Variants in DCBLD2 observed in about 807,000 individuals in gnomAD.
DCBLD2 encodes the protein discoidin, CUB and LCCL domain-containing protein 2.
DCBLD2 carries 54 observed loss-of-function variants against 86.8 expected under a neutral mutation model. The observed-to-expected ratio is 0.62, with a 90% CI of 0.50 to 0.78. DCBLD2 has a LOEUF of 0.78. Among genes scored for constraint, DCBLD2 ranks in the 30% least tolerant of loss-of-function variants. DCBLD2 has a pLI of 0.00. For missense variants in DCBLD2, 908 were observed against 954.2 expected (o/e 0.95, Z 0.64); for synonymous variants, 354 against 341.3 (o/e 1.04, Z -0.41).
intron 3 of DCBLD2, among the ~76,000 whole-genome samples, chr3:98,843,662 C>CTATTGGTATAATTCTAAA (rs1392456560): frequency 6.6e-6 from 1 of 151,984 alleles, no homozygotes; most frequent in Non-Finnish European, 1.5e-5. Flanking sequence ...ATTTTTTATA[C>CTATTGGTATAATTCTAAA]TATTGGTGTT....
intron 2 of DCBLD2, among the ~76,000 whole-genome samples, chr3:98,868,238 T>C (rs540488104): frequency 1.3e-5 from 2 of 152,312 alleles, no homozygotes; most frequent in East Asian, 1.9e-4. Context: ...GGAATCAACC[T>C]ATTCAAAGAT....
Position 98,808,168 on chromosome 3 carries a change from G to A in DCBLD2, c.1583C>T (p.Ala528Val), listed in dbSNP as rs369024442. Residue 528 changes from alanine (A) to valine (V), a missense_variant, in exon 13 of 16, where the codon GCG (alanine) becomes GTG (valine). Physicochemically the swap from Ala to Val is moderately conservative, Grantham distance 64. Transcript: ENST00000326840. ...TVTPNVTKDV[A>V]LAAVLVPVLV... The stretch of plus-strand genomic sequence containing the variant: ...CACAGGGACAAGAACTGCAGCCAGC[G>A]CTACATCTGAAGTTACAAAGACAAA... 28 of 1,596,544 alleles carry A rather than the reference G, an allele frequency of 1.8e-5. No homozygotes were observed. The highest frequency in any genetic ancestry group is 6.8e-5 in the East Asian group (3 of 43,984).
intron 3 of DCBLD2, among the ~76,000 whole-genome samples, chr3:98,836,662 T>A (rs1463429250): frequency 2.5e-5 from 3 of 118,848 alleles, no homozygotes; most frequent in South Asian, 2.7e-4. Context: ...CACTTCCCAG[T>A]AGGGGCGGCC....
intron 2 of DCBLD2, among the ~76,000 whole-genome samples, chr3:98,867,377 A>C (rs1256511687): frequency 2.0e-5 from 3 of 152,088 alleles, no homozygotes; most frequent in Admixed American, 1.3e-4. Context: ...CTTTTATTTC[A>C]TTGAGCAGTG....
At chr3:98,884,588 C>T (rs949517792) in intron 1 of DCBLD2, among the ~76,000 whole-genome samples, 1 of 151,988 alleles carries the variant, frequency 6.6e-6, no homozygotes, top group African/African-American at 2.4e-5. Context: ...AAAACTACCA[C>T]CCTAAGACAG....
At chr3:98,825,392 A>T (rs1444893122) in intron 3 of DCBLD2, 26 bp from the exon 4 acceptor site, 2 of 1,465,370 alleles carry the variant, frequency 1.4e-6, no homozygotes, top group Admixed American at 2.7e-5. Context: ...TAAAAAACTG[A>T]TTCCATTAAT....
At chr3:98,811,429 C>A in intron 11 of DCBLD2, 39 bp downstream of exon 11, 2 of 1,612,744 alleles carry the variant, frequency 1.2e-6, no homozygotes, top group Middle Eastern at 1.7e-4. Context: ...CACCATAAAT[C>A]CAAGGAATAT....
rs569451767 is a variant in DCBLD2 at position 98,846,777 on chromosome 3, A to C, written c.571+2684T>G. 3.3e-5 allele frequency among the ~76,000 whole-genome samples: 5 copies of C among 152,318 alleles called. No individual in the cohort carries two copies. The East Asian group carries it at 9.7e-4, about 29-fold the overall frequency. ...AGCTACACAACATACTGATTCTTTT[A>C]TCTGAGGTCATAGCCAATTCTTAAG... On this transcript the variant is annotated intron_variant, in intron 3 of 15. Transcript: ENST00000326840.
At chr3:98,802,335 T>C (rs1204161809) in intron 13 of DCBLD2, among the ~76,000 whole-genome samples, 2 of 152,256 alleles carry the variant, frequency 1.3e-5, no homozygotes, top group Admixed American at 1.3e-4. Flanking sequence ...CATGTGTTTG[T>C]TGGCTGCATA....
intron 3 of DCBLD2, among the ~76,000 whole-genome samples, chr3:98,838,379 C>T (rs1201639275): frequency 7.4e-5 from 8 of 107,498 alleles, no homozygotes; most frequent in African/African-American, 2.0e-4. Flanking sequence ...GGGTCTCGGC[C>T]GGGCAGAGGC....
intron 13 of DCBLD2, chr3:98,801,974 G>T (rs1941730864): frequency 4.9e-6 from 1 of 203,182 alleles, no homozygotes; most frequent in Non-Finnish European, 1.0e-5. Context: ...ATTTGGGTTG[G>T]TTCCAAGTCT....
rs138480466 is a variant in DCBLD2, at chr3:98,856,939, C to A, written c.434-7341G>T. On this transcript the variant is annotated intron_variant, in intron 2 of 15. Transcript: ENST00000326840. ...GATATAAATGGCAAAGAAGATTCAA[C>A]TGACATATAAGTGTGTCCAGAATTG... 1.3e-3 allele frequency among the ~76,000 whole-genome samples: 198 copies of A among 152,248 alleles called. 1 individual carries two copies. In the East Asian group the frequency reaches 0.016, roughly 13 times the overall value.
intron 2 of DCBLD2, among the ~76,000 whole-genome samples, chr3:98,859,689 A>G (rs1943003328): frequency 6.6e-6 from 1 of 152,230 alleles, no homozygotes; most frequent in South Asian, 2.1e-4. Flanking sequence ...AAAATTAACA[A>G]ACAGAAAGGA....
chr3:98,894,940 T>C (rs1037979187), intron 1 of DCBLD2, among the ~76,000 whole-genome samples: 1 of 151,178 alleles, frequency 6.6e-6, no homozygotes, highest in Non-Finnish European at 1.5e-5. Context: ...CGGAGATGAG[T>C]GTGTGGGGAC....
At chr3:98,804,681 A>G (rs1262346976) in intron 13 of DCBLD2, among the ~76,000 whole-genome samples, 1 of 152,172 alleles carries the variant, frequency 6.6e-6, no homozygotes, top group East Asian at 1.9e-4. Context: ...GTGGGCATTT[A>G]GTGCTATAAA....
chr3:98,861,149 G>C (rs887220844), intron 2 of DCBLD2, among the ~76,000 whole-genome samples: 3 of 152,184 alleles, frequency 2.0e-5, no homozygotes, highest in Non-Finnish European at 4.4e-5. Flanking sequence ...TAATGGTAAA[G>C]GGATCAATTC....
chr3:98,862,914 A>G (rs973644530), intron 2 of DCBLD2, among the ~76,000 whole-genome samples: 1 of 152,194 alleles, frequency 6.6e-6, no homozygotes, highest in Non-Finnish European at 1.5e-5. Context: ...TCAGTTAGGA[A>G]AAGAGGAAGT....
Position 98,808,165 on chromosome 3 carries a change from A to C in DCBLD2, c.1586T>G (p.Leu529Arg), listed in dbSNP as rs747912159. ...CAGCACAGGGACAAGAACTGCAGCCAGCGCTACATCTGAAGTTACAAAGAC... is the reference window on the plus strand; with the variant it reads ...CAGCACAGGGACAAGAACTGCAGCCCGCGCTACATCTGAAGTTACAAAGAC... ...VTPNVTKDVA[L>R]AAVLVPVLVM... Residue 529 changes from leucine to arginine, a missense_variant, in exon 13 of 16, where the codon CTG (leucine) becomes CGG (arginine). By Grantham distance (102) the Leu-to-Arg change is moderately radical. Coordinates refer to ENST00000326840, the MANE Select transcript of DCBLD2 (RefSeq NM_080927.4). 6.2e-7 allele frequency: 1 copy of C among 1,600,388 alleles called. No individual in the cohort carries two copies. Among genetic ancestry groups the C allele is most frequent in the South Asian group, 1.1e-5 (1 of 88,444 alleles).
chr3:98,827,287 T>C (rs1942240851), intron 3 of DCBLD2, among the ~76,000 whole-genome samples: 2 of 152,328 alleles, frequency 1.3e-5, no homozygotes, highest in Non-Finnish European at 1.5e-5. Flanking sequence ...AGAATCAATT[T>C]TCCACTTTCT....
Sources: gnomAD v4.1 joint callset for allele counts (sites outside exome capture counted in the v4.1 genomes callset) on GRCh38, gnomAD v4.1.1 for gene constraint, MANE v1.5 for transcripts, NCBI Gene and HGNC (gene_info 2026-07-23, HGNC 2026-07-21) for gene names.